Variants in LDLRAD4 observed in about 807,000 individuals in gnomAD.
LDLRAD4 encodes the protein low-density lipoprotein receptor class A domain-containing protein 4.
In LDLRAD4, 5 loss-of-function variants were observed where a neutral mutation model predicts 17.0. The ratio of observed to expected loss-of-function variants is 0.29; its 90% CI spans 0.15 to 0.62. The LOEUF is 0.62. LDLRAD4 is among the 20% of genes least tolerant of loss of function. The pLI is 0.84. For synonymous variants in LDLRAD4, 168 were observed against 171.8 expected, an observed-to-expected ratio of 0.98 and a Z score of 0.17; for missense variants, 340 against 424.7, an observed-to-expected ratio of 0.80 and a Z score of 1.75.
intron 1 of LDLRAD4, among the ~76,000 whole-genome samples, chr18:13,358,627 A>T (rs1414242426): frequency 6.6e-6 from 1 of 152,168 alleles, no homozygotes; most frequent in Non-Finnish European, 1.5e-5. Flanking sequence ...AAATGGGATA[A>T]ATCAAATGTA....
intron 3 of LDLRAD4, among the ~76,000 whole-genome samples, chr18:13,616,595 A>T (rs2040104168): frequency 6.6e-6 from 1 of 152,054 alleles, no homozygotes; most frequent in Non-Finnish European, 1.5e-5. Flanking sequence ...CCCTCAGGGG[A>T]GGGCTTCGGG....
chr18:13,382,885 CG>C (rs2085489550), intron 1 of LDLRAD4, among the ~76,000 whole-genome samples: 1 of 152,242 alleles, frequency 6.6e-6, no homozygotes, highest in Non-Finnish European at 1.5e-5. Flanking sequence ...CAGTGTTGGG[CG>C]CAGTTCTTGC....
intron 3 of LDLRAD4, among the ~76,000 whole-genome samples, chr18:13,557,889 T>C (rs904682277): frequency 2.0e-5 from 3 of 152,214 alleles, no homozygotes; most frequent in South Asian, 4.1e-4. Flanking sequence ...AAATTCTTGA[T>C]GCCCAATCTC....
intron 2 of LDLRAD4, among the ~76,000 whole-genome samples, 161 bp from the exon 4 acceptor site, chr18:13,438,083 G>C (rs186021928): frequency 1.1e-4 from 17 of 152,342 alleles, no homozygotes; most frequent in Non-Finnish European, 2.5e-4. Flanking sequence ...TCCTTACCCA[G>C]ATGGCCCTTC....
chr18:13,576,156 G>T (rs186247875), intron 3 of LDLRAD4, among the ~76,000 whole-genome samples: 2 of 152,298 alleles, frequency 1.3e-5, no homozygotes, highest in African/African-American at 4.8e-5. Context: ...GGGCGCAGTG[G>T]CTCACGCCTG....
chr18:13,643,364 G>C, exon 5 of LDLRAD4: 1 of 1,456,004 alleles, frequency 6.9e-7, no homozygotes, highest in Non-Finnish European at 9.1e-7. Context: ...GCCAGGAAGG[G>C]TGCCTGTGGC....
intron 1 of LDLRAD4, among the ~76,000 whole-genome samples, chr18:13,381,076 G>GTTTTTTTTTT (rs759672017): frequency 5.4e-5 from 7 of 128,450 alleles, no homozygotes; most frequent in African/African-American, 1.5e-4. Flanking sequence ...TTTCTCTTTA[G>GTTTTTTTTTT]TTTTTTTTTT....
intron 1 of LDLRAD4, among the ~76,000 whole-genome samples, chr18:13,373,829 A>G (rs1044039044): frequency 2.0e-4 from 30 of 152,196 alleles, no homozygotes; most frequent in African/African-American, 6.8e-4. Context: ...GTACATTTTC[A>G]TTTAGACTGG....
chr18:13,605,192 A>C (rs1601661249), intron 3 of LDLRAD4, among the ~76,000 whole-genome samples: 1 of 152,224 alleles, frequency 6.6e-6, no homozygotes, highest in South Asian at 2.1e-4. Context: ...AGGATGCCAA[A>C]TATTCTAGAA....
intron 3 of LDLRAD4, among the ~76,000 whole-genome samples, chr18:13,466,454 A>G (rs1283351533): frequency 1.4e-5 from 2 of 141,348 alleles, no homozygotes; most frequent in Non-Finnish European, 3.0e-5. Context: ...TGGGTCACAG[A>G]GTGAGACCTT....
chr18:13,593,890 G>A (rs1568382614), intron 3 of LDLRAD4, among the ~76,000 whole-genome samples: 2 of 152,150 alleles, frequency 1.3e-5, no homozygotes, highest in Non-Finnish European at 1.5e-5. Flanking sequence ...GACCTCCTGG[G>A]CTCAAGCAAT....
chr18:13,605,630 T>G (rs933763194), intron 3 of LDLRAD4, among the ~76,000 whole-genome samples: 1 of 152,166 alleles, frequency 6.6e-6, no homozygotes, highest in African/African-American at 2.4e-5. Flanking sequence ...TCATGACCCA[T>G]CAGCACAGAG....
At chr18:13,611,536 G>A in intron 3 of LDLRAD4, 5 of 985,306 alleles carry the variant, frequency 5.1e-6, no homozygotes, top group African/African-American at 1.7e-5. Context: ...TAGACCTCGG[G>A]GAAAAGAGAC....
intron 1 of LDLRAD4, among the ~76,000 whole-genome samples, chr18:13,365,690 G>T (rs528730106): frequency 6.6e-6 from 1 of 152,334 alleles, no homozygotes; most frequent in Non-Finnish European, 1.5e-5. Context: ...TTCACTCAAG[G>T]CACTGCCTGT....
rs1367179876 is a variant in LDLRAD4, at chr18:13,440,437, G to C, written c.181+2053G>C. Among the ~76,000 whole-genome samples the C allele has an allele frequency of 6.6e-6, 1 of 152,188 alleles. No homozygotes were observed. The highest frequency in any genetic ancestry group is 1.5e-5 in the Non-Finnish European group (1 of 68,034). ...GGCTCAACTTTGCCCTAACAGAGGA[G>C]TCTTACGATCCTGTTGGCAAACTCT... On this transcript the variant is annotated intron_variant, in intron 3 of 5. Transcript: ENST00000359446. The surrounding 1 kb of genome is among the most constrained non-coding windows in gnomAD (Gnocchi z 4.4).
At chr18:13,616,648 G>A (rs755769450) in intron 3 of LDLRAD4, among the ~76,000 whole-genome samples, 20 of 152,222 alleles carry the variant, frequency 1.3e-4, no homozygotes, top group Non-Finnish European at 2.6e-4. Flanking sequence ...GGACCAAGCT[G>A]CTGCAGTGAG....
rs1242136767 is a variant in LDLRAD4, at chr18:13,520,042, C to T, written c.181+81658C>T. The stretch of plus-strand genomic sequence containing the variant: ...GAATACACATGAAAAAGAGGGTAGA[C>T]CTGTGTGTGCCCTTGAGAACAAGGA... On this transcript the variant is annotated intron_variant, in intron 3 of 5. Transcript: ENST00000359446. 4 of 152,146 alleles carry T rather than the reference C, an allele frequency of 2.6e-5. No homozygotes were observed. In the East Asian group the frequency reaches 7.7e-4, roughly 29 times the overall value. 9.4% of individuals were successfully genotyped at this position (152,146 alleles called of 1,614,324 possible).
intron 3 of LDLRAD4, among the ~76,000 whole-genome samples, chr18:13,525,251 A>G (rs190739127): frequency 2.0e-5 from 3 of 152,318 alleles, no homozygotes; most frequent in African/African-American, 4.8e-5. Flanking sequence ...GGGTGTCCCT[A>G]TTTGTAAAAT....
intron 3 of LDLRAD4, among the ~76,000 whole-genome samples, chr18:13,571,112 G>C (rs1786490): frequency 1.6e-4 from 25 of 152,048 alleles, no homozygotes; most frequent in African/African-American, 6.0e-4. Context: ...GAGCCACCAC[G>C]CCTGGCATGC....
Sources: allele counts gnomAD v4.1 joint callset (sites outside exome capture counted in the v4.1 genomes callset), GRCh38; gene constraint gnomAD v4.1.1; non-coding constraint Gnocchi (gnomAD v3.1); transcripts MANE v1.5; gene names NCBI Gene and HGNC (gene_info 2026-07-23, HGNC 2026-07-21).